Variants in SLC23A2 observed in about 807,000 individuals in gnomAD.
SLC23A2 encodes Na(+)/L-ascorbic acid transporter 2.
In SLC23A2, 36 loss-of-function variants were observed where a neutral mutation model predicts 73.3. That is an observed-to-expected ratio of 0.49 (90% CI 0.38 to 0.65). The LOEUF is 0.65. SLC23A2 is among the 30% of genes least tolerant of loss of function. SLC23A2 has a pLI of 0.00. For synonymous variants in SLC23A2, 343 were observed against 327.3 expected (o/e 1.05, Z -0.52); for missense variants, 507 against 841.6 (o/e 0.60, Z 4.92).
At chr20:4,890,517 G>T (rs1340508303) in intron 6 of SLC23A2, among the ~76,000 whole-genome samples, 1 of 152,068 alleles carries the variant, frequency 6.6e-6, no homozygotes, top group Non-Finnish European at 1.5e-5. Context: ...GCCAGGCATG[G>T]TGGCAGGTAC....
chr20:4,892,826 G>C (rs1198841087), intron 6 of SLC23A2, among the ~76,000 whole-genome samples: 3 of 152,108 alleles, frequency 2.0e-5, no homozygotes, highest in African/African-American at 7.2e-5. Context: ...GAAAAAGGTG[G>C]AGACAGCAAA....
chr20:4,975,592 G>C (rs1211173489), intron 1 of SLC23A2, among the ~76,000 whole-genome samples: 1 of 151,844 alleles, frequency 6.6e-6, no homozygotes, highest in Non-Finnish European at 1.5e-5. Flanking sequence ...TGCTGGCCAG[G>C]CTGGTCTCAA....
Position 4,883,156 on chromosome 20 carries a change from C to T in SLC23A2, c.824+486G>A, listed in dbSNP as rs1930959939. On this transcript the variant is annotated intron_variant, in intron 9 of 16. Transcript: ENST00000338244. The surrounding 1 kb of genome is among the most constrained non-coding windows in gnomAD (Gnocchi z 4.5). ...GGCAGAAACTATGTCCCTCCCCCAA[C>T]CACCCACCCGTCAGGAGTGCAGAGC... 6.6e-6 allele frequency among the ~76,000 whole-genome samples: 1 copy of T among 152,186 alleles called. No individual in the cohort carries two copies. Among genetic ancestry groups the T allele is most frequent in the African/African-American group, 2.4e-5 (1 of 41,430 alleles).
In SLC23A2 at chr20:4,966,145, G is replaced by A. The variant is rs182321808; in HGVS notation, c.-155+4648C>T. On this transcript the variant is annotated intron_variant, in intron 2 of 16. Transcript: ENST00000338244. Reference sequence around the variant, plus strand: ...AAAAAGAAAAATATACATATAGACTGGGGTAGGGGGCAGCAGGGGAGATCA... The same window carrying A: ...AAAAAGAAAAATATACATATAGACTAGGGTAGGGGGCAGCAGGGGAGATCA... Among the ~76,000 whole-genome samples the A allele has an allele frequency of 2.2e-3, 340 of 152,198 alleles. 2 individuals carry two copies. The highest frequency in any genetic ancestry group is 7.7e-3 in the African/African-American group (321 of 41,514).
chr20:4,857,288 ACACACACACACAC>A lies in SLC23A2; in HGVS notation c.1721-97_1721-85del, dbSNP rs1929756380. On this transcript the variant is annotated intron_variant, in intron 16 of 16. Coordinates refer to ENST00000338244, the MANE Select transcript of SLC23A2 (RefSeq NM_005116.6). This position sits in a 1 kb window ranked among gnomAD's most constrained non-coding sequence, Gnocchi z 4.0. ...TGAAACTGTCGTCAAACACATACAC[ACACACACACACAC>A]ACACACACACACACACACACACACA... 5.7e-6 allele frequency: 1 copy of A among 176,848 alleles called. No individual in the cohort carries two copies. Among genetic ancestry groups the A allele is most frequent in the Admixed American group, 9.4e-5 (1 of 10,668 alleles). 11.0% of individuals were successfully genotyped at this position (176,848 alleles called of 1,614,324 possible).
intron 2 of SLC23A2, among the ~76,000 whole-genome samples, chr20:4,953,377 C>T (rs1241996778): frequency 1.3e-5 from 2 of 151,906 alleles, no homozygotes; most frequent in African/African-American, 4.8e-5. Context: ...GAAAAGATTA[C>T]ATTAATAAAG....
chr20:4,893,718 A>T (rs1755736814), intron 6 of SLC23A2, among the ~76,000 whole-genome samples: 1 of 152,100 alleles, frequency 6.6e-6, no homozygotes, highest in Non-Finnish European at 1.5e-5. Context: ...GCCAAACCCT[A>T]CCTTTTCTCA....
intron 2 of SLC23A2, among the ~76,000 whole-genome samples, chr20:4,968,971 T>C (rs1228825641): frequency 6.6e-6 from 1 of 152,102 alleles, no homozygotes; most frequent in African/African-American, 2.4e-5. Context: ...TCCACCCACC[T>C]TGGCCTCCCA....
In SLC23A2 at chr20:4,856,587, T is replaced by C. The variant is rs1232795678; in HGVS notation, c.*385A>G. ...TGACAAGGAAACAGGTCCAGGGGCT[T>C]CGGAGAGAGAGAGAAAGCCCCTGGA... On this transcript the variant is annotated 3_prime_UTR_variant, in exon 17 of 17. Transcript: ENST00000338244. The surrounding 1 kb of genome is among the most constrained non-coding windows in gnomAD (Gnocchi z 4.6). The C allele has an allele frequency of 1.1e-5, 2 of 173,968 alleles. No individual in the cohort carries two copies. Among genetic ancestry groups the C allele is most frequent in the Non-Finnish European group, 2.4e-5 (2 of 82,070 alleles). The allele number at this position is 173,968 out of a possible 1,614,324, so 10.8% of individuals were successfully genotyped here.
chr20:4,996,685 C>CAAAAAA (rs1555809857), intron 1 of SLC23A2, among the ~76,000 whole-genome samples: 133 of 54,616 alleles, frequency 2.4e-3, no homozygotes, highest in African/African-American at 5.5e-3. Flanking sequence ...GATTCCATCT[C>CAAAAAA]AAAAAAAAAA....
chr20:4,889,640 A>G (rs544126826), intron 6 of SLC23A2, among the ~76,000 whole-genome samples: 2 of 151,362 alleles, frequency 1.3e-5, no homozygotes, highest in South Asian at 4.3e-4. Context: ...TCCAGCCTCT[A>G]TCTGCTCCCT....
chr20:4,988,104 G>A (rs1005498229), intron 1 of SLC23A2, among the ~76,000 whole-genome samples: 1 of 150,836 alleles, frequency 6.6e-6, no homozygotes, highest in Non-Finnish European at 1.5e-5. Flanking sequence ...TTCAAAACAA[G>A]CCTGGCCAAC....
intron 1 of SLC23A2, among the ~76,000 whole-genome samples, chr20:4,976,311 G>A (rs2087643925): frequency 6.6e-6 from 1 of 151,976 alleles, no homozygotes. Flanking sequence ...TGAAATAGAG[G>A]ACATTTTTTA....
chr20:4,986,128 A>C (rs1028808771), intron 1 of SLC23A2, among the ~76,000 whole-genome samples: 6 of 152,084 alleles, frequency 3.9e-5, no homozygotes, highest in African/African-American at 1.4e-4. Flanking sequence ...CATAACCAAA[A>C]TTTTTATCAT....
intron 1 of SLC23A2, among the ~76,000 whole-genome samples, chr20:4,973,340 A>G (rs1452768845): frequency 6.6e-6 from 1 of 152,250 alleles, no homozygotes; most frequent in African/African-American, 2.4e-5. Flanking sequence ...GCAAATTAAC[A>G]GAATGTCATT....
chr20:4,992,395 T>C (rs1049781417), intron 1 of SLC23A2, among the ~76,000 whole-genome samples: 3 of 150,942 alleles, frequency 2.0e-5, no homozygotes, highest in Non-Finnish European at 2.9e-5. Context: ...AAAACAAATA[T>C]CAGACTAATT....
chr20:4,948,949 G>A (rs184190931), intron 2 of SLC23A2, among the ~76,000 whole-genome samples: 2 of 152,050 alleles, frequency 1.3e-5, no homozygotes, highest in Admixed American at 6.6e-5. Flanking sequence ...TTCCTTTTTG[G>A]TTGTTTACTT....
At chr20:4,916,376 C>A (rs1479790533) in intron 3 of SLC23A2, among the ~76,000 whole-genome samples, 1 of 152,212 alleles carries the variant, frequency 6.6e-6, no homozygotes, top group Non-Finnish European at 1.5e-5. Flanking sequence ...CCTTCACCTG[C>A]ATTTATCTCG....
chr20:4,984,051 T>C (rs1243598853), intron 1 of SLC23A2, among the ~76,000 whole-genome samples: 2 of 151,982 alleles, frequency 1.3e-5, no homozygotes, highest in Non-Finnish European at 2.9e-5. Context: ...AAAGGACTCG[T>C]GCAGAATATA....
Sources: allele counts gnomAD v4.1 joint callset (sites outside exome capture counted in the v4.1 genomes callset), GRCh38; gene constraint gnomAD v4.1.1; non-coding constraint Gnocchi (gnomAD v3.1); transcripts MANE v1.5; gene names NCBI Gene and HGNC (gene_info 2026-07-23, HGNC 2026-07-21).